Variants in PRKCH observed in about 807,000 individuals in gnomAD.
The protein encoded by PRKCH is protein kinase C eta, also known as protein kinase C eta type.
Under a neutral mutation model 82.5 loss-of-function variants are expected in PRKCH, and 28 were observed. The ratio of observed to expected loss-of-function variants is 0.34; its 90% CI spans 0.25 to 0.47. The LOEUF (loss-of-function observed/expected upper bound fraction) is 0.47. Ranked by LOEUF, PRKCH falls within the 20% of genes least tolerant of loss-of-function variation. The pLI is 1.00. For missense variants in PRKCH, 705 were observed against 881.8 expected, an observed-to-expected ratio of 0.80 and a Z score of 2.54; for synonymous variants, 322 against 327.4, an observed-to-expected ratio of 0.98 and a Z score of 0.18.
intron 9 of PRKCH, among the ~76,000 whole-genome samples, chr14:61,467,369 A>T (rs2140307321): frequency 6.6e-6 from 1 of 152,360 alleles, no homozygotes; most frequent in South Asian, 2.1e-4. Context: ...GTGGGGTCGT[A>T]GCGGGGCTGC....
chr14:61,512,249 CTTTTTTTTTTTTT>C (rs11342820), intron 10 of PRKCH, among the ~76,000 whole-genome samples: 1 of 118,538 alleles, frequency 8.4e-6, no homozygotes, highest in Non-Finnish European at 1.7e-5. Context: ...TCACATGACC[CTTTTTTTTTTTTT>C]TTTTTTTTTT....
intron 1 of PRKCH, among the ~76,000 whole-genome samples, chr14:61,207,306 C>G (rs1315258038): frequency 6.6e-6 from 1 of 151,996 alleles, no homozygotes; most frequent in Non-Finnish European, 1.5e-5. Context: ...CTGTCCCTGT[C>G]CAAGATGGAG....
chr14:61,383,047 G>A (rs1488122668), intron 1 of PRKCH, among the ~76,000 whole-genome samples: 1 of 152,214 alleles, frequency 6.6e-6, no homozygotes, highest in African/African-American at 2.4e-5. Flanking sequence ...CTCCTGCAAA[G>A]TGATGCCAAG....
At chr14:61,512,272 T>TTTTA (rs869084487) in intron 10 of PRKCH, among the ~76,000 whole-genome samples, 1 of 134,896 alleles carries the variant, frequency 7.4e-6, no homozygotes, top group Admixed American at 7.1e-5. Flanking sequence ...TTTTTTTTTT[T>TTTTA]AAAGCAGGGC....
chr14:61,226,492 G>A (rs1345659698), intron 1 of PRKCH, among the ~76,000 whole-genome samples: 1 of 152,186 alleles, frequency 6.6e-6, no homozygotes, highest in African/African-American at 2.4e-5. Flanking sequence ...CTTGATGTGG[G>A]TTTGTGATAT....
At chr14:61,380,022 G>A (rs1187569271) in intron 1 of PRKCH, among the ~76,000 whole-genome samples, 3 of 152,086 alleles carry the variant, frequency 2.0e-5, no homozygotes, top group Admixed American at 2.0e-4. Flanking sequence ...CTTATCAGAG[G>A]AGAAGAAAAG....
intron 1 of PRKCH, among the ~76,000 whole-genome samples, chr14:61,344,665 G>A (rs1446324073): frequency 2.0e-5 from 3 of 152,068 alleles, no homozygotes. Context: ...TGTAGTCAGC[G>A]GGGTTGCCTG....
chr14:61,355,596 T>TA (rs1304916550), intron 1 of PRKCH, among the ~76,000 whole-genome samples: 1 of 152,204 alleles, frequency 6.6e-6, no homozygotes, highest in Admixed American at 6.5e-5. Flanking sequence ...TTTATCTTCT[T>TA]ACCTTTTTAC....
At chr14:61,348,351 G>A (rs1397863849) in intron 1 of PRKCH, among the ~76,000 whole-genome samples, 1 of 152,164 alleles carries the variant, frequency 6.6e-6, no homozygotes, top group Non-Finnish European at 1.5e-5. Flanking sequence ...AAAGCTCGTG[G>A]ATGAAAACCA....
chr14:61,459,873 G>T (rs1382846308), intron 9 of PRKCH, among the ~76,000 whole-genome samples: 4 of 152,088 alleles, frequency 2.6e-5, no homozygotes, highest in South Asian at 2.1e-4. Flanking sequence ...TTGAGACAGG[G>T]TCTCACTTTG....
intron 2 of PRKCH, among the ~76,000 whole-genome samples, chr14:61,395,473 G>A (rs2046765085): frequency 6.6e-6 from 1 of 152,106 alleles, no homozygotes; most frequent in African/African-American, 2.4e-5. Flanking sequence ...AGCCTTCATG[G>A]AAAAGCAGTG....
chr14:61,307,639 T>C (rs1282896356), intron 1 of PRKCH, among the ~76,000 whole-genome samples: 1 of 152,266 alleles, frequency 6.6e-6, no homozygotes, highest in Non-Finnish European at 1.5e-5. Context: ...TATCTTCAAA[T>C]GGACCCATTT....
intron 1 of PRKCH, among the ~76,000 whole-genome samples, chr14:61,287,956 ATC>A (rs2045329574): frequency 6.6e-6 from 1 of 152,218 alleles, no homozygotes; most frequent in African/African-American, 2.4e-5. Flanking sequence ...TAGTGACTAT[ATC>A]TGTTTGAAAC....
intron 1 of PRKCH, among the ~76,000 whole-genome samples, chr14:61,204,634 G>A (rs1276274683): frequency 6.6e-6 from 1 of 152,008 alleles, no homozygotes; most frequent in Non-Finnish European, 1.5e-5. Flanking sequence ...GCTGGCACAT[G>A]TCTGTGGCCG....
At chr14:61,317,119 T>A (rs1294445010), upstream of PRKCH, among the ~76,000 whole-genome samples, 1 of 152,208 alleles carries the variant, frequency 6.6e-6, no homozygotes, top group Non-Finnish European at 1.5e-5. Context: ...CATAGGTGTT[T>A]CTTTTTAACT....
In PRKCH at chr14:61,462,813, G is replaced by A. The variant is rs17098411; in HGVS notation, c.1278+5134G>A. Among the ~76,000 whole-genome samples, 2,722 of 152,300 alleles carry A rather than the reference G, an allele frequency of 0.018. 177 individuals are homozygous for A. In the East Asian group the frequency reaches 0.24, roughly 14 times the overall value. On this transcript the variant is annotated intron_variant, in intron 9 of 13. Transcript: ENST00000332981. ...AAAGCATTTCATTGTGAGGGCCTTTGTAAAAACAGCACTCTCCTCATGCAG... is the reference window on the plus strand; with the variant it reads ...AAAGCATTTCATTGTGAGGGCCTTTATAAAAACAGCACTCTCCTCATGCAG...
chr14:61,504,481 C>T, intron 10 of PRKCH, among the ~76,000 whole-genome samples: 1 of 152,176 alleles, frequency 6.6e-6, no homozygotes. Context: ...TGAGCCACCG[C>T]ACCCAGCCGT....
intron 1 of PRKCH, chr14:61,327,036 C>G (rs1457423603): frequency 1.3e-5 from 6 of 455,814 alleles, no homozygotes; most frequent in Non-Finnish European, 2.6e-5. Context: ...GAGCTGGAGG[C>G]TGCGTCATGG....
chr14:61,430,958 G>C (rs1029919417), intron 2 of PRKCH, among the ~76,000 whole-genome samples: 1 of 152,188 alleles, frequency 6.6e-6, no homozygotes, highest in Non-Finnish European at 1.5e-5. Context: ...GTTTCGCCAT[G>C]TTGGCCAGGA....
Sources: allele counts gnomAD v4.1 joint callset (sites outside exome capture counted in the v4.1 genomes callset), GRCh38; gene constraint gnomAD v4.1.1; transcripts MANE v1.5; gene names NCBI Gene and HGNC (gene_info 2026-07-23, HGNC 2026-07-21).